PTPRG: variants seen among roughly 807,000 people sequenced by gnomAD.
PTPRG encodes the protein protein tyrosine phosphatase receptor type G.
In PTPRG, 102 loss-of-function variants were observed where a neutral mutation model predicts 165.3. The observed-to-expected ratio is 0.62, with a 90% CI of 0.53 to 0.73. The LOEUF (loss-of-function observed/expected upper bound fraction) is 0.73. Among genes scored for constraint, PTPRG ranks in the 30% least tolerant of loss-of-function variants. The pLI is 0.00. For synonymous variants in PTPRG, 675 were observed against 669.5 expected (o/e 1.01, Z -0.13); for missense variants, 1,866 against 1,861.4 (o/e 1.00, Z -0.05).
intron 8 of PTPRG, among the ~76,000 whole-genome samples, chr3:62,186,584 T>TTTTTTTTTTTTTTTTA (rs1705897860): frequency 6.7e-6 from 1 of 148,192 alleles, no homozygotes; most frequent in Non-Finnish European, 1.5e-5. Context: ...TTTTTTTTTT[T>TTTTTTTTTTTTTTTTA]GAGATAGGGT....
intron 2 of PTPRG, among the ~76,000 whole-genome samples, chr3:61,906,174 G>T: frequency 6.6e-6 from 1 of 151,882 alleles, no homozygotes; most frequent in South Asian, 2.1e-4. Flanking sequence ...GGGACTTGGG[G>T]CTGGGCTCGG....
intron 2 of PTPRG, among the ~76,000 whole-genome samples, chr3:61,854,173 A>G (rs1216350030): frequency 6.6e-6 from 1 of 152,232 alleles, no homozygotes; most frequent in East Asian, 1.9e-4. Context: ...AGTACTACAC[A>G]CATGCACAAC....
chr3:62,147,362 G>A (rs908262354), intron 6 of PTPRG, among the ~76,000 whole-genome samples: 3 of 152,288 alleles, frequency 2.0e-5, no homozygotes, highest in Non-Finnish European at 4.4e-5. Flanking sequence ...ATCCTTTACT[G>A]TGGTCACATA....
intron 5 of PTPRG, among the ~76,000 whole-genome samples, chr3:62,091,579 C>G (rs1701931844): frequency 6.6e-6 from 1 of 152,146 alleles, no homozygotes; most frequent in Non-Finnish European, 1.5e-5. Context: ...TAGTGAGTTC[C>G]TCTCCAGGGT....
intron 2 of PTPRG, among the ~76,000 whole-genome samples, chr3:61,878,582 C>G (rs115734940): frequency 6.6e-6 from 1 of 152,212 alleles, no homozygotes; most frequent in Admixed American, 6.5e-5. Flanking sequence ...TAGCCTCAAC[C>G]TCCTAGGCTC....
At chr3:62,010,170 C>G (rs974186792) in intron 4 of PTPRG, among the ~76,000 whole-genome samples, 1 of 152,146 alleles carries the variant, frequency 6.6e-6, no homozygotes, top group African/African-American at 2.4e-5. Context: ...CCTCCCTCTT[C>G]GCCCTCCCAA....
chr3:61,650,572 CTGAG>C (rs1702323042), intron 1 of PTPRG, among the ~76,000 whole-genome samples: 1 of 152,308 alleles, frequency 6.6e-6, no homozygotes, highest in East Asian at 1.9e-4. Context: ...AGGATGATAA[CTGAG>C]TAAGAAAGAA....
chr3:61,616,102 C>A (rs1701290548), intron 1 of PTPRG, among the ~76,000 whole-genome samples: 1 of 152,154 alleles, frequency 6.6e-6, no homozygotes. Flanking sequence ...AGTCATGTGC[C>A]ACCATGCCAG....
intron 2 of PTPRG, among the ~76,000 whole-genome samples, chr3:61,923,094 C>G (rs796271819): frequency 8.5e-5 from 13 of 152,084 alleles, no homozygotes; most frequent in African/African-American, 3.1e-4. Flanking sequence ...TTACCCTGTT[C>G]TTTTCCCACT....
intron 16 of PTPRG, among the ~76,000 whole-genome samples, chr3:62,259,722 G>T (rs569589113): frequency 1.3e-5 from 2 of 152,192 alleles, no homozygotes; most frequent in Non-Finnish European, 2.9e-5. Context: ...ATAATGCTGT[G>T]TTATACTCTC....
chr3:61,701,850 A>G (rs2030980095), intron 1 of PTPRG, among the ~76,000 whole-genome samples: 2 of 152,134 alleles, frequency 1.3e-5, no homozygotes, highest in South Asian at 2.1e-4. Flanking sequence ...AGGGAGTGCC[A>G]CTGTACTCAG....
intron 2 of PTPRG, among the ~76,000 whole-genome samples, chr3:61,958,322 G>A (rs1310276940): frequency 6.6e-6 from 1 of 152,040 alleles, no homozygotes; most frequent in Non-Finnish European, 1.5e-5. Flanking sequence ...TAGACATGGA[G>A]TTTCCCCATG....
At chr3:61,751,234 A>G (rs1219755477) in intron 2 of PTPRG, among the ~76,000 whole-genome samples, 2 of 152,208 alleles carry the variant, frequency 1.3e-5, no homozygotes, top group Non-Finnish European at 2.9e-5. Flanking sequence ...GGCCAGGAAG[A>G]AGTAAGAGTT....
Position 61,989,313 on chromosome 3 carries a change from T to A in PTPRG, c.191-312T>A, listed in dbSNP as rs2040830877. On this transcript the variant is annotated intron_variant, in intron 2 of 29. Transcript: ENST00000474889. ...TTGTGAATAAATGCTCTGCTTATTT[T>A]AGGAAACATTTAAAAATTGTCAGAA... is the stretch of plus-strand genomic sequence containing the variant. Among the ~76,000 whole-genome samples, 3 of 152,240 alleles carry A rather than the reference T, an allele frequency of 2.0e-5. No homozygotes were observed. The South Asian group carries it at 6.2e-4, about 32-fold the overall frequency.
At chr3:62,131,644 G>A (rs1230482854) in intron 5 of PTPRG, among the ~76,000 whole-genome samples, 1 of 152,096 alleles carries the variant, frequency 6.6e-6, no homozygotes, top group Non-Finnish European at 1.5e-5. Flanking sequence ...TATGCTGGCC[G>A]TAGATAATAG....
intron 5 of PTPRG, among the ~76,000 whole-genome samples, chr3:62,107,535 TG>T (rs1165024688): frequency 6.6e-6 from 1 of 152,252 alleles, no homozygotes; most frequent in African/African-American, 2.4e-5. Flanking sequence ...GTGTATAAAA[TG>T]GGTTAAGACC....
chr3:61,745,059 T>A (rs1017818094), intron 1 of PTPRG, among the ~76,000 whole-genome samples: 1 of 146,944 alleles, frequency 6.8e-6, no homozygotes, highest in African/African-American at 2.5e-5. Flanking sequence ...CACTTTTTTT[T>A]TTTTTTTTTT....
At chr3:61,723,774 C>T (rs573333014) in intron 1 of PTPRG, among the ~76,000 whole-genome samples, 1 of 152,214 alleles carries the variant, frequency 6.6e-6, no homozygotes, top group South Asian at 2.1e-4. Flanking sequence ...GACATTTTAT[C>T]TCATATATGG....
chr3:61,882,275 T>G (rs900626285), intron 2 of PTPRG, among the ~76,000 whole-genome samples: 4 of 152,350 alleles, frequency 2.6e-5, no homozygotes, highest in South Asian at 4.1e-4. Flanking sequence ...GGAAGTTGTT[T>G]CCTCTGAAAA....
Sources: allele counts gnomAD v4.1 joint callset (sites outside exome capture counted in the v4.1 genomes callset), GRCh38; gene constraint gnomAD v4.1.1; transcripts MANE v1.5; gene names NCBI Gene and HGNC (gene_info 2026-07-23, HGNC 2026-07-21).